The following RCAN3 variants were observed in gnomAD, a reference collection of about 807,000 sequenced individuals.
RCAN3 encodes regulator of calcineurin 3, also known as calcipressin-3.
A neutral mutation model predicts 21.9 loss-of-function variants in RCAN3; 19 were observed. That is an observed-to-expected ratio of 0.87 (90% CI 0.61 to 1.27). RCAN3 has a LOEUF of 1.27. Among genes scored for constraint, RCAN3 ranks in the 50% most tolerant of loss-of-function variants. The probability of loss-of-function intolerance (pLI) is 0.00; values close to 1 mark genes in which losing one functional copy is unlikely to be tolerated. For synonymous variants in RCAN3, 114 were observed against 112.3 expected, an observed-to-expected ratio of 1.01 and a Z score of -0.09; for missense variants, 240 against 300.1, an observed-to-expected ratio of 0.80 and a Z score of 1.48.
chr1:24,504,374 C>T (rs1297025800), intron 1 of RCAN3, among the ~76,000 whole-genome samples: 1 of 152,116 alleles, frequency 6.6e-6, no homozygotes, highest in African/African-American at 2.4e-5. Flanking sequence ...CACTATGTTG[C>T]CCAGGCTGTT....
chr1:24,515,427 G>GGT (rs67348372), intron 2 of RCAN3, among the ~76,000 whole-genome samples: 4,645 of 146,378 alleles, frequency 0.032, 86 homozygotes, highest in South Asian at 0.067. Context: ...TAGAAAGAGA[G>GGT]GTGTGTGTGT....
rs1650404822 is a variant in RCAN3, at chr1:24,539,644, T to A, written c.*4367T>A. On this transcript the variant is annotated 3_prime_UTR_variant, in exon 5 of 5. Coordinates refer to ENST00000374395, the MANE Select transcript of RCAN3 (RefSeq NM_013441.4). ...CTGCTATGACTGGCCTATTCAAGGC[T>A]TCATATTTTTATACAGACTATTTCA... is the stretch of plus-strand genomic sequence containing the variant. 6.6e-6 allele frequency: 1 copy of A among 152,220 alleles called. No homozygotes were observed. Among genetic ancestry groups the A allele is most frequent in the Non-Finnish European group, 1.5e-5 (1 of 68,046 alleles). 9.4% of individuals were successfully genotyped at this position (152,220 alleles called of 1,614,324 possible).
chr1:24,531,424 A>C, intron 3 of RCAN3, 33 bp downstream of exon 3: 1 of 1,456,190 alleles, frequency 6.9e-7, no homozygotes, highest in Non-Finnish European at 9.2e-7. Context: ...CTGTTCTCTA[A>C]ACTTGTTTTT....
At position 24,525,658 on chromosome 1, in the gene RCAN3, A is replaced by G. The variant is rs1057038618; in HGVS notation, c.196-5560A>G. Among the ~76,000 whole-genome samples, 5 of 152,250 alleles carry G rather than the reference A, an allele frequency of 3.3e-5. No individual in the cohort carries two copies. The highest frequency in any genetic ancestry group is 2.6e-4 in the Admixed American group (4 of 15,284). On this transcript the variant is annotated intron_variant, in intron 2 of 4. Coordinates refer to ENST00000374395, the MANE Select transcript of RCAN3 (RefSeq NM_013441.4). This position sits in a 1 kb window ranked among gnomAD's most constrained non-coding sequence, Gnocchi z 4.1. ...CTAAAAGTGAGCTATTTCTGAAATA[A>G]TTCTAAGGAGAAAAATAGTCATTTG...
chr1:24,527,203 TG>T (rs1314791332), intron 2 of RCAN3, among the ~76,000 whole-genome samples: 1 of 152,138 alleles, frequency 6.6e-6, no homozygotes, highest in South Asian at 2.1e-4. Flanking sequence ...TTAGTAGAGA[TG>T]GGGTTTCACC....
chr1:24,521,789 A>G (rs1648836487), intron 2 of RCAN3, among the ~76,000 whole-genome samples: 2 of 151,998 alleles, frequency 1.3e-5, no homozygotes, highest in Admixed American at 1.3e-4. Flanking sequence ...TGGAGGTTGC[A>G]GTGAGCTGAG....
At chr1:24,526,849 T>G (rs1649312425) in intron 2 of RCAN3, among the ~76,000 whole-genome samples, 1 of 152,192 alleles carries the variant, frequency 6.6e-6, no homozygotes, top group South Asian at 2.1e-4. Flanking sequence ...AAATCTCAAT[T>G]CTAATTCTCT....
At chr1:24,532,207 T>G (rs1413081850) in intron 3 of RCAN3, among the ~76,000 whole-genome samples, 5 of 151,754 alleles carry the variant, frequency 3.3e-5, no homozygotes, top group Non-Finnish European at 7.4e-5. Flanking sequence ...CTTCATCCAT[T>G]TATTTATTTA....
chr1:24,532,224 ATTTTTATT>A (rs1557579114), intron 3 of RCAN3, among the ~76,000 whole-genome samples: 1 of 151,226 alleles, frequency 6.6e-6, no homozygotes. Context: ...TTTATTTATT[ATTTTTATT>A]TTTTTATTTT....
At chr1:24,522,222 C>A (rs1648879497) in intron 2 of RCAN3, among the ~76,000 whole-genome samples, 1 of 152,108 alleles carries the variant, frequency 6.6e-6, no homozygotes, top group Non-Finnish European at 1.5e-5. Context: ...GTATTGGACA[C>A]CTGTTTGGCT....
At chr1:24,522,537 GC>G (rs1648903946) in intron 2 of RCAN3, among the ~76,000 whole-genome samples, 1 of 152,212 alleles carries the variant, frequency 6.6e-6, no homozygotes, top group South Asian at 2.1e-4. Context: ...AGCCCCAGTT[GC>G]CCACAGAGGT....
chr1:24,508,963 C>G (rs934679411), intron 1 of RCAN3, among the ~76,000 whole-genome samples: 1 of 152,116 alleles, frequency 6.6e-6, no homozygotes, highest in Non-Finnish European at 1.5e-5. Flanking sequence ...GAGTTTGAGA[C>G]CAGCCTGGGC....
intron 4 of RCAN3, among the ~76,000 whole-genome samples, chr1:24,534,615 G>GAA (rs55684532): frequency 2.3e-4 from 31 of 134,216 alleles, no homozygotes; most frequent in African/African-American, 7.4e-4. Context: ...TCAAAAAAAA[G>GAA]AAAAAAAAAA....
Position 24,536,030 on chromosome 1 carries a change from T to G in RCAN3, c.*753T>G, listed in dbSNP as rs903537776. ...CTTTAGAAGTGGGACGTATCACCAGTAAGCTTGAATGATTAGGATCGCAGG... is the reference window on the plus strand; with the variant it reads ...CTTTAGAAGTGGGACGTATCACCAGGAAGCTTGAATGATTAGGATCGCAGG... On this transcript the variant is annotated 3_prime_UTR_variant, in exon 5 of 5. Coordinates refer to ENST00000374395, the MANE Select transcript of RCAN3 (RefSeq NM_013441.4). 1 of 152,220 alleles carries G rather than the reference T, an allele frequency of 6.6e-6. No homozygotes were observed. Among genetic ancestry groups the G allele is most frequent in the East Asian group, 1.9e-4 (1 of 5,196 alleles). The allele number at this position is 152,220 out of a possible 1,614,324, so 9.4% of individuals were successfully genotyped here. A position where few individuals can be genotyped will look rare whatever the true frequency, so the allele number is the denominator to read the frequency against.
In RCAN3 at chr1:24,514,385, A is replaced by T; in HGVS notation, c.13A>T (p.Thr5Ser). MLRD[T>S]MKSWNDSQSD... is the part of the protein sequence containing the mutation. ...ACTTTGGGGGATAATGCTGAGGGAC[A>T]CTATGAAATCTTGGAATGATAGCCA... Residue 5 changes from threonine to serine, a missense_variant, in exon 2 of 5, where the codon ACT becomes TCT. Thr to Ser is a moderately conservative substitution (Grantham distance 58, BLOSUM62 1). Coordinates refer to ENST00000374395, the MANE Select transcript of RCAN3 (RefSeq NM_013441.4). 1 of 1,613,416 alleles carries T rather than the reference A, an allele frequency of 6.2e-7. No homozygotes were observed.
Position 24,533,163 on chromosome 1 carries a change from A to T in RCAN3, c.450A>T (p.Pro150=). ...TCAAGCAGTTCCTCATCTCCCCTCC[A>T]GCCTCTCCCCCGGTGGGGTGGAAGC... is the stretch of plus-strand genomic sequence containing the variant. ...QPVKQFLISP[P]ASPPVGWKQS... The change falls in exon 4 of 5, where the codon CCA becomes CCT. Residue 150 remains proline, a synonymous_variant. Transcript: ENST00000374395. 1 of 1,606,022 alleles carries T rather than the reference A, an allele frequency of 6.2e-7. No individual in the cohort carries two copies. Among genetic ancestry groups the T allele is most frequent in the Non-Finnish European group, 8.5e-7 (1 of 1,177,434 alleles).
rs1431895968 is a variant in RCAN3 at position 24,506,170 on chromosome 1, G to A, written c.-60+3020G>A. Among the ~76,000 whole-genome samples, 3 of 152,084 alleles carry A rather than the reference G, an allele frequency of 2.0e-5. No homozygotes were observed. In the East Asian group the frequency reaches 5.8e-4, roughly 29 times the overall value. On this transcript the variant is annotated intron_variant, in intron 1 of 4. Transcript: ENST00000374395. ...GGGCCAGTCAAGAGTTCCCTGGATTGGTAAACTGAGGAACAGTTTAGTCTT... is the reference window on the plus strand; with the variant it reads ...GGGCCAGTCAAGAGTTCCCTGGATTAGTAAACTGAGGAACAGTTTAGTCTT...
intron 1 of RCAN3, among the ~76,000 whole-genome samples, chr1:24,510,216 TAAC>T (rs1647764992): frequency 6.6e-6 from 1 of 151,908 alleles, no homozygotes; most frequent in South Asian, 2.1e-4. Flanking sequence ...GCATTGGCTT[TAAC>T]TTAAAGTCAC....
At chr1:24,524,444 C>G (rs1455081181) in intron 2 of RCAN3, among the ~76,000 whole-genome samples, 3 of 152,178 alleles carry the variant, frequency 2.0e-5, no homozygotes, top group African/African-American at 7.2e-5. Context: ...CCCTCTAGCA[C>G]TTTTGACTGT....
Sources: allele counts gnomAD v4.1 joint callset (sites outside exome capture counted in the v4.1 genomes callset), GRCh38; gene constraint gnomAD v4.1.1; non-coding constraint Gnocchi (gnomAD v3.1); transcripts MANE v1.5; gene names NCBI Gene and HGNC (gene_info 2026-07-23, HGNC 2026-07-21).